FER: variants seen among roughly 807,000 people sequenced by gnomAD.
The protein encoded by FER is tyrosine-protein kinase Fer.
In FER, 63 loss-of-function variants were observed where a neutral mutation model predicts 111.0. That is an observed-to-expected ratio of 0.57 (90% CI 0.46 to 0.70). The LOEUF (loss-of-function observed/expected upper bound fraction) is 0.70, where lower values mean the gene tolerates loss of function less well. Among genes scored for constraint, FER ranks in the 30% least tolerant of loss-of-function variants. FER has a pLI of 0.00. For synonymous variants in FER, 327 were observed against 313.9 expected (o/e 1.04, Z -0.44); for missense variants, 914 against 954.0 (o/e 0.96, Z 0.55).
chr5:109,034,101 CTG>C (rs1770025648), intron 13 of FER, among the ~76,000 whole-genome samples: 1 of 152,184 alleles, frequency 6.6e-6, no homozygotes, highest in African/African-American at 2.4e-5. Flanking sequence ...TCCCATCTAA[CTG>C]AGACTTTGTA....
intron 13 of FER, among the ~76,000 whole-genome samples, chr5:109,012,835 A>G (rs1766474390): frequency 6.6e-6 from 1 of 152,206 alleles, no homozygotes; most frequent in Non-Finnish European, 1.5e-5. Context: ...GGAAAACTCT[A>G]TGACAATATG....
intron 3 of FER, among the ~76,000 whole-genome samples, chr5:108,832,052 G>T (rs1461676172): frequency 5.9e-5 from 9 of 151,978 alleles, no homozygotes; most frequent in Admixed American, 2.0e-4. Flanking sequence ...TATGCCCACT[G>T]ATCCCAAACC....
intron 16 of FER, among the ~76,000 whole-genome samples, chr5:109,071,189 A>C (rs1011113187): frequency 1.3e-5 from 2 of 152,038 alleles, no homozygotes; most frequent in East Asian, 3.8e-4. Context: ...TGTTGCATTT[A>C]GTTGTCATAT....
chr5:109,105,732 C>T (rs1050181041), intron 17 of FER, among the ~76,000 whole-genome samples: 8 of 152,158 alleles, frequency 5.3e-5, no homozygotes, highest in African/African-American at 1.9e-4. Flanking sequence ...TGCTCTGTCT[C>T]ATTCAAGTAT....
chr5:109,082,962 T>C (rs1313966712), intron 16 of FER, among the ~76,000 whole-genome samples: 26 of 151,942 alleles, frequency 1.7e-4, no homozygotes, highest in Admixed American at 6.6e-4. Context: ...CTTTCTGTTC[T>C]GAACCCCCCA....
intron 6 of FER, among the ~76,000 whole-genome samples, chr5:108,871,093 A>G (rs1764553432): frequency 6.6e-6 from 1 of 152,114 alleles, no homozygotes; most frequent in East Asian, 1.9e-4. Context: ...CTGGCCCTGC[A>G]TTTTGGACAT....
At chr5:108,759,851 C>A (rs1007364390) in intron 1 of FER, among the ~76,000 whole-genome samples, 1 of 152,180 alleles carries the variant, frequency 6.6e-6, no homozygotes, top group African/African-American at 2.4e-5. Context: ...AATACAATGA[C>A]CCTGGGGAAG....
intron 5 of FER, among the ~76,000 whole-genome samples, chr5:108,863,176 G>T (rs937205094): frequency 6.6e-6 from 1 of 152,072 alleles, no homozygotes; most frequent in African/African-American, 2.4e-5. Flanking sequence ...CTGGAGTGAA[G>T]AGGCTTGATC....
chr5:108,935,338 C>G (rs1285035112), intron 10 of FER, among the ~76,000 whole-genome samples: 1 of 152,046 alleles, frequency 6.6e-6, no homozygotes, highest in African/African-American at 2.4e-5. Flanking sequence ...ACACATCACT[C>G]TAATCTGTCT....
intron 10 of FER, among the ~76,000 whole-genome samples, chr5:108,900,637 A>T (rs1749870890): frequency 1.3e-5 from 2 of 152,336 alleles, no homozygotes; most frequent in East Asian, 1.9e-4. Flanking sequence ...AGAGACAATG[A>T]ATTATGCTCC....
intron 13 of FER, among the ~76,000 whole-genome samples, chr5:108,977,233 A>G (rs887217750): frequency 1.3e-5 from 2 of 152,238 alleles, no homozygotes; most frequent in African/African-American, 2.4e-5. Flanking sequence ...TTTCTGAGCT[A>G]TAAATGGCAC....
intron 14 of FER, among the ~76,000 whole-genome samples, chr5:109,038,031 A>G (rs1770642012): frequency 6.6e-6 from 1 of 151,922 alleles, no homozygotes. Flanking sequence ...AAAAGCAACT[A>G]TATATAATAA....
At chr5:108,892,007 A>C (rs1182816170) in intron 9 of FER, among the ~76,000 whole-genome samples, 3 of 151,990 alleles carry the variant, frequency 2.0e-5, no homozygotes, top group Admixed American at 6.6e-5. Flanking sequence ...ATCCTTTTTT[A>C]TGGCTGCATA....
intron 13 of FER, among the ~76,000 whole-genome samples, chr5:108,995,279 T>G (rs1402280012): frequency 6.6e-6 from 1 of 152,106 alleles, no homozygotes; most frequent in Admixed American, 6.6e-5. Flanking sequence ...TTTTTTTAAT[T>G]ATTATACTTT....
chr5:108,900,070 A>G (rs1749787065), intron 10 of FER, among the ~76,000 whole-genome samples: 1 of 152,238 alleles, frequency 6.6e-6, no homozygotes, highest in African/African-American at 2.4e-5. Context: ...ATTATAAATT[A>G]GATCTTGCCT....
At chr5:109,133,195 A>G (rs188211574) in intron 17 of FER, among the ~76,000 whole-genome samples, 20 of 152,322 alleles carry the variant, frequency 1.3e-4, no homozygotes, top group Non-Finnish European at 2.4e-4. Flanking sequence ...ACTGTAGGAG[A>G]TAAGTCAGTC....
chr5:108,754,130 GC>G (rs1375077437), intron 1 of FER, among the ~76,000 whole-genome samples: 7 of 152,036 alleles, frequency 4.6e-5, no homozygotes, highest in Non-Finnish European at 7.4e-5. Context: ...AAAAATGTGG[GC>G]TGGGTGCAGT....
chr5:108,924,837 A>G, intron 10 of FER: 1 of 1,208,402 alleles, frequency 8.3e-7, no homozygotes, highest in East Asian at 3.2e-5. Flanking sequence ...GGCCCCAGAC[A>G]TTATCTAAGA....
chr5:109,064,988 A>G (rs1774907616), intron 16 of FER, among the ~76,000 whole-genome samples: 1 of 152,196 alleles, frequency 6.6e-6, no homozygotes, highest in Non-Finnish European at 1.5e-5. Flanking sequence ...AAAATTTATT[A>G]TTGGCAGTCT....
Sources: allele counts gnomAD v4.1 joint callset (sites outside exome capture counted in the v4.1 genomes callset), GRCh38; gene constraint gnomAD v4.1.1; transcripts MANE v1.5; gene names NCBI Gene and HGNC (gene_info 2026-07-23, HGNC 2026-07-21).